CRACD: variants seen among roughly 807,000 people sequenced by gnomAD.
CRACD encodes capping protein-inhibiting regulator of actin dynamics.
CRACD carries 56 observed loss-of-function variants against 106.8 expected under a neutral mutation model. The observed-to-expected ratio is 0.52, with a 90% CI of 0.42 to 0.66. CRACD has a LOEUF of 0.66. Among genes scored for constraint, CRACD ranks in the 30% least tolerant of loss-of-function variants. The pLI, the probability that CRACD is intolerant of heterozygous loss-of-function variation, is 0.00. For synonymous variants in CRACD, 754 were observed against 670.8 expected, an observed-to-expected ratio of 1.12 and a Z score of -1.92; for missense variants, 1,730 against 1,623.2, an observed-to-expected ratio of 1.07 and a Z score of -1.13.
At chr4:56,231,996 G>A (rs1448049422) in intron 2 of CRACD, among the ~76,000 whole-genome samples, 1 of 152,200 alleles carries the variant, frequency 6.6e-6, no homozygotes, top group Non-Finnish European at 1.5e-5. Context: ...ATATTAGTGA[G>A]TAATGGTGTT....
intron 1 of CRACD, among the ~76,000 whole-genome samples, chr4:56,075,876 C>T (rs772793413): frequency 2.6e-5 from 4 of 152,144 alleles, no homozygotes; most frequent in Non-Finnish European, 4.4e-5. Context: ...GTTATCCATT[C>T]ACATTTTGCT....
Position 56,316,269 on chromosome 4 carries a change from C to T in CRACD, c.2767C>T (p.Pro923Ser). ...TTCCACCCGGAGGGACTCCGCTGAA[C>T]CTTCCAGCAGCCGCTCTGTTCCTGT... ...APSTRRDSAE[P>S]SSSRSVPVAH... The change falls in exon 8 of 11, where the codon CCT (proline) becomes TCT (serine). Residue 923 changes from proline (P) to serine (S), a missense_variant. Around this residue, in one of 5 missense-constraint regions of CRACD, gnomAD observed 1,620 missense variants for 1,481.6 expected, o/e 1.09. Coordinates refer to ENST00000682029, the MANE Select transcript of CRACD (RefSeq NM_001393381.1). 4 of 1,613,994 alleles carry T rather than the reference C, an allele frequency of 2.5e-6. No homozygotes were observed. The highest frequency in any genetic ancestry group is 3.4e-6 in the Non-Finnish European group (4 of 1,179,856).
At chr4:56,117,064 A>G (rs1577673770) in intron 1 of CRACD, among the ~76,000 whole-genome samples, 1 of 132,770 alleles carries the variant, frequency 7.5e-6, no homozygotes, top group South Asian at 2.3e-4. Context: ...TCTGTCACCC[A>G]GGCTGGAGTG....
rs139458281 is a variant in CRACD at position 56,167,866 on chromosome 4, G to C, written c.-335-11418G>C. The stretch of plus-strand genomic sequence containing the variant: ...GCAATATGCAACATGGATGAACCTT[G>C]AGGAAATTATGCTAAATGAAATAAG... On this transcript the variant is annotated intron_variant, in intron 1 of 10. Coordinates refer to ENST00000682029, the MANE Select transcript of CRACD (RefSeq NM_001393381.1). Among the ~76,000 whole-genome samples the C allele has an allele frequency of 3.4e-3, 512 of 152,294 alleles. 7 individuals carry two copies. Among genetic ancestry groups the C allele is most frequent in the African/African-American group, 0.012 (481 of 41,572 alleles).
chr4:56,123,864 T>A (rs751154871), intron 1 of CRACD, among the ~76,000 whole-genome samples: 2 of 152,206 alleles, frequency 1.3e-5, no homozygotes, highest in Non-Finnish European at 1.5e-5. Flanking sequence ...TATTTATAAG[T>A]CCAGAATCTG....
intron 1 of CRACD, among the ~76,000 whole-genome samples, chr4:56,054,528 A>G (rs1250142717): frequency 1.3e-5 from 2 of 152,240 alleles, no homozygotes; most frequent in East Asian, 1.9e-4. Flanking sequence ...AACGAAATCA[A>G]TTTAGATATT....
At chr4:56,250,899 T>G (rs1467728647) in intron 2 of CRACD, among the ~76,000 whole-genome samples, 1 of 152,188 alleles carries the variant, frequency 6.6e-6, no homozygotes, top group East Asian at 1.9e-4. Context: ...ACAAGCATAT[T>G]TCGAAATAAC....
chr4:56,243,004 G>A (rs1343786949), intron 2 of CRACD, among the ~76,000 whole-genome samples: 1 of 152,132 alleles, frequency 6.6e-6, no homozygotes, highest in Non-Finnish European at 1.5e-5. Flanking sequence ...TGAGAGTCCC[G>A]AATTTGGAGA....
intron 2 of CRACD, among the ~76,000 whole-genome samples, chr4:56,235,560 G>A (rs972715345): frequency 1.3e-5 from 2 of 152,152 alleles, no homozygotes; most frequent in Admixed American, 6.6e-5. Flanking sequence ...TTGCACAAGT[G>A]TACAGTCTCT....
rs1313196928 is a variant in CRACD at position 56,329,986 on chromosome 4, T to A, written c.*2182T>A. 6.6e-6 allele frequency among the ~76,000 whole-genome samples: 1 copy of A among 152,176 alleles called. No individual in the cohort carries two copies. Among genetic ancestry groups the A allele is most frequent in the African/African-American group, 2.4e-5 (1 of 41,438 alleles). On this transcript the variant is annotated 3_prime_UTR_variant, in exon 11 of 11. Coordinates refer to ENST00000682029, the MANE Select transcript of CRACD (RefSeq NM_001393381.1). ...GAAGAGTATACTGAAGAAAGGGCAG[T>A]CACAATACTTACTTCTAACAGCTTC...
At chr4:56,181,361 T>C (rs1421131687) in intron 2 of CRACD, among the ~76,000 whole-genome samples, 1 of 152,184 alleles carries the variant, frequency 6.6e-6, no homozygotes, top group Non-Finnish European at 1.5e-5. Context: ...AGCCAGTCAG[T>C]GCTGGAGCAG....
intron 1 of CRACD, among the ~76,000 whole-genome samples, chr4:56,170,762 C>T (rs1435856565): frequency 1.3e-5 from 2 of 152,084 alleles, no homozygotes; most frequent in Non-Finnish European, 2.9e-5. Context: ...TCGCTTGAGC[C>T]CAGGAGCTCG....
intron 2 of CRACD, among the ~76,000 whole-genome samples, chr4:56,268,672 A>C (rs1577833342): frequency 1.3e-5 from 2 of 152,208 alleles, no homozygotes; most frequent in East Asian, 3.9e-4. Flanking sequence ...TCGTAGAGAA[A>C]GTTTTCAATT....
chr4:56,255,249 G>C (rs1577810650), intron 2 of CRACD, among the ~76,000 whole-genome samples: 2 of 151,436 alleles, frequency 1.3e-5, no homozygotes, highest in Admixed American at 1.3e-4. Flanking sequence ...ATGATTTCTA[G>C]CTGTCTAACT....
intron 3 of CRACD, among the ~76,000 whole-genome samples, chr4:56,283,237 G>A (rs1743131271): frequency 6.6e-6 from 1 of 152,136 alleles, no homozygotes; most frequent in African/African-American, 2.4e-5. Flanking sequence ...CTCCTGGGGA[G>A]AAGTAGAATC....
intron 1 of CRACD, among the ~76,000 whole-genome samples, chr4:56,102,149 C>T (rs2109832144): frequency 6.6e-6 from 1 of 152,250 alleles, no homozygotes; most frequent in East Asian, 1.9e-4. Context: ...TTTCCAGATA[C>T]TGCCAAATTA....
intron 1 of CRACD, among the ~76,000 whole-genome samples, chr4:56,098,624 T>C (rs938499067): frequency 4.6e-5 from 7 of 152,214 alleles, no homozygotes; most frequent in African/African-American, 7.2e-5. Flanking sequence ...GAACTTAAAG[T>C]GCCAACAGGA....
rs919659679 is a variant in CRACD at position 56,140,573 on chromosome 4, A to T, written c.-335-38711A>T. 4.6e-5 allele frequency among the ~76,000 whole-genome samples: 7 copies of T among 152,168 alleles called. No homozygotes were observed. In the South Asian group the frequency reaches 1.4e-3, roughly 32 times the overall value. On this transcript the variant is annotated intron_variant, in intron 1 of 10. Coordinates refer to ENST00000682029, the MANE Select transcript of CRACD (RefSeq NM_001393381.1). ...TTCTTATTCCTGATAGAATGACATA[A>T]ATATTCCTATATTATATAAGTACTT...
chr4:56,057,979 C>T (rs530709216), intron 1 of CRACD, among the ~76,000 whole-genome samples: 25 of 67,148 alleles, frequency 3.7e-4, no homozygotes, highest in African/African-American at 6.1e-4. Flanking sequence ...CTACCACGCC[C>T]AGCTAATTTT....
Sources: allele counts gnomAD v4.1 joint callset (sites outside exome capture counted in the v4.1 genomes callset), GRCh38; gene constraint gnomAD v4.1.1; regional missense constraint gnomAD v4.1.1; transcripts MANE v1.5; gene names NCBI Gene and HGNC (gene_info 2026-07-23, HGNC 2026-07-21).